The following LRP5 variants were observed in gnomAD, a reference collection of about 807,000 sequenced individuals.
The protein encoded by LRP5 is low-density lipoprotein receptor-related protein 5.
In LRP5, 62 loss-of-function variants were observed where a neutral mutation model predicts 154.1. The observed-to-expected ratio is 0.40, with a 90% CI of 0.33 to 0.50. The LOEUF (loss-of-function observed/expected upper bound fraction) is 0.50, where lower values mean the gene tolerates loss of function less well. LRP5 is among the 20% of genes least tolerant of loss of function. The probability of loss-of-function intolerance (pLI) is 0.55; values close to 1 mark genes in which losing one functional copy is unlikely to be tolerated. For synonymous variants in LRP5, 966 were observed against 1,011.5 expected (o/e 0.96, Z 0.85); for missense variants, 1,915 against 2,336.7 (o/e 0.82, Z 3.72).
chr11:68,302,860 G>A, the LRP5 span, among the ~76,000 whole-genome samples: 1 of 152,200 alleles, frequency 6.6e-6, no homozygotes, highest in Non-Finnish European at 1.5e-5. Flanking sequence ...GTGTTCCCGG[G>A]GACCAGATGC....
chr11:68,350,579 C>T (rs2098617491), intron 2 of LRP5, among the ~76,000 whole-genome samples: 1 of 152,246 alleles, frequency 6.6e-6, no homozygotes, highest in African/African-American at 2.4e-5. Flanking sequence ...ATGGTGCCGG[C>T]TGCAGGAGCC....
intron 19 of LRP5, 30 bp downstream of exon 19, chr11:68,437,029 C>A: frequency 6.3e-7 from 1 of 1,585,202 alleles, no homozygotes. Flanking sequence ...GGGGAAGGGG[C>A]GTCCGGGCTG....
At chr11:68,402,137 A>G (rs2098652929) in intron 7 of LRP5, among the ~76,000 whole-genome samples, 1 of 152,212 alleles carries the variant, frequency 6.6e-6, no homozygotes, top group African/African-American at 2.4e-5. Context: ...GTAATCTGGT[A>G]GCAGGAGGCC....
intron 13 of LRP5, among the ~76,000 whole-genome samples, chr11:68,421,686 C>CTGTGTGTGTG (rs148066763): frequency 2.8e-3 from 378 of 133,392 alleles, no homozygotes; most frequent in Middle Eastern, 7.6e-3. Context: ...CCCAGCAAGG[C>CTGTGTGTGTG]TGTGTGTGTG....
chr11:68,410,590 C>A (rs892207642), intron 10 of LRP5, among the ~76,000 whole-genome samples: 4 of 152,130 alleles, frequency 2.6e-5, no homozygotes, highest in African/African-American at 7.2e-5. Flanking sequence ...ACTTTGAGGT[C>A]CCCGGACCTC....
intron 1 of LRP5, among the ~76,000 whole-genome samples, chr11:68,325,029 C>T (rs1376919098): frequency 6.6e-6 from 1 of 152,154 alleles, no homozygotes; most frequent in Non-Finnish European, 1.5e-5. Context: ...CCTGCACAGC[C>T]CGGTTCTGAC....
intron 5 of LRP5, among the ~76,000 whole-genome samples, chr11:68,381,527 C>A (rs540105073): frequency 6.6e-6 from 1 of 152,044 alleles, no homozygotes; most frequent in Non-Finnish European, 1.5e-5. Context: ...CTTGGCCTCG[C>A]GGAAGGGATG....
intron 16 of LRP5, among the ~76,000 whole-genome samples, chr11:68,429,109 C>T (rs1019033530): frequency 2.0e-5 from 3 of 146,704 alleles, no homozygotes; most frequent in Non-Finnish European, 3.0e-5. Flanking sequence ...AAAAAAAAGC[C>T]AGGCATGGTG....
At chr11:68,358,317 G>A (rs1322247748) in intron 3 of LRP5, among the ~76,000 whole-genome samples, 1 of 152,100 alleles carries the variant, frequency 6.6e-6, no homozygotes, top group Non-Finnish European at 1.5e-5. Flanking sequence ...GGTCTCACAT[G>A]TTGCTCAGGC....
In LRP5 at chr11:68,312,808, A is replaced by T; in HGVS notation, c.91+3A>T. The T allele has an allele frequency of 9.5e-7, 1 of 1,053,110 alleles. No homozygotes were observed. The highest frequency in any genetic ancestry group is 1.1e-6 in the Non-Finnish European group (1 of 873,334). The allele number at this position is 1,053,110 out of a possible 1,614,324, so 65.2% of individuals were successfully genotyped here. A position where few individuals can be genotyped will look rare whatever the true frequency, so the allele number is the denominator to read the frequency against. On this transcript the variant is annotated splice_donor_region_variant and intron_variant, in intron 1 of 22. Coordinates refer to ENST00000294304, the MANE Select transcript of LRP5 (RefSeq NM_002335.4). The stretch of plus-strand genomic sequence containing the variant: ...CGGCTGCCCGGCCCCCGCCGCGGGT[A>T]GGTGGGCGCAGGCCGGCCGGGGGCC...
intron 1 of LRP5, among the ~76,000 whole-genome samples, chr11:68,316,598 A>G (rs1277812650): frequency 6.6e-6 from 1 of 152,148 alleles, no homozygotes; most frequent in Admixed American, 6.5e-5. Context: ...GTGGCTGAAT[A>G]ATATTCCATT....
chr11:68,360,786 A>G (rs891682957), intron 3 of LRP5, among the ~76,000 whole-genome samples: 1 of 152,014 alleles, frequency 6.6e-6, no homozygotes, highest in Non-Finnish European at 1.5e-5. Context: ...TTACGAGGTC[A>G]GGAGATCGAG....
intron 1 of LRP5, among the ~76,000 whole-genome samples, chr11:68,342,958 C>T (rs1397819439): frequency 6.6e-6 from 1 of 152,200 alleles, no homozygotes; most frequent in Non-Finnish European, 1.5e-5. Flanking sequence ...GCTGGGACCT[C>T]CAGCTGTAAT....
At chr11:68,367,978 T>C (rs2098631995) in intron 5 of LRP5, among the ~76,000 whole-genome samples, 2 of 151,512 alleles carry the variant, frequency 1.3e-5, no homozygotes, top group African/African-American at 2.4e-5. Flanking sequence ...GGCAGGAGAA[T>C]TGCTTGAGCC....
chr11:68,406,741 C>T lies in LRP5; in HGVS notation c.2019C>T (p.Gly673=), dbSNP rs779811816. The change falls in exon 9 of 23, where the codon GGC becomes GGT. Residue 673 remains glycine, a synonymous_variant. Coordinates refer to ENST00000294304, the MANE Select transcript of LRP5 (RefSeq NM_002335.4). ...ACGACGTGGCCATCCCGCTCACGGG[C>T]GTCAAGGAGGCCTCAGCCCTGGACT... ...NNNDVAIPLT[G]VKEASALDFD... is the part of the protein sequence containing the mutation. The T allele has an allele frequency of 2.0e-5, 33 of 1,613,982 alleles. No individual in the cohort carries two copies. The highest frequency in any genetic ancestry group is 2.7e-5 in the African/African-American group (2 of 74,926).
chr11:68,351,760 C>T (rs1442608476), intron 2 of LRP5, among the ~76,000 whole-genome samples: 4 of 152,100 alleles, frequency 2.6e-5, no homozygotes, highest in Admixed American at 6.6e-5. Context: ...TTGAAAGGGA[C>T]GTGTGCGTAG....
At position 68,386,765 on chromosome 11, in the gene LRP5, G is replaced by T. The variant is rs1352193639; in HGVS notation, c.1412+53G>T. Reference sequence around the variant, plus strand: ...AGCCAGGGCCAGGCCAAGCACAGGCGAGAGGGAGATTGACCTGGACCTGTC... The same window carrying T: ...AGCCAGGGCCAGGCCAAGCACAGGCTAGAGGGAGATTGACCTGGACCTGTC... On this transcript the variant is annotated intron_variant, in intron 6 of 22. Transcript: ENST00000294304. This position sits in a 1 kb window ranked among gnomAD's most constrained non-coding sequence, Gnocchi z 7.9. 4.4e-5 allele frequency: 69 copies of T among 1,575,110 alleles called. No homozygotes were observed. Among genetic ancestry groups the T allele is most frequent in the African/African-American group, 6.7e-5 (5 of 74,178 alleles).
chr11:68,367,057 A>G lies in LRP5; in HGVS notation c.1015+1355A>G, dbSNP rs1266837687. 2.0e-5 allele frequency among the ~76,000 whole-genome samples: 3 copies of G among 152,228 alleles called. No individual in the cohort carries two copies. In the East Asian group the frequency reaches 5.8e-4, roughly 29 times the overall value. On this transcript the variant is annotated intron_variant, in intron 5 of 22. Transcript: ENST00000294304. ...CCACGAGGGAGTCAGTGCATTAGAA[A>G]GGGTGAGTGTCTTGGACACCCGCTC...
chr11:68,416,832 T>TC (rs2098662811), intron 13 of LRP5, among the ~76,000 whole-genome samples: 1 of 152,240 alleles, frequency 6.6e-6, no homozygotes, highest in Non-Finnish European at 1.5e-5. Flanking sequence ...GGGTAGTTGG[T>TC]ACTGGTTAAT....
Sources: allele counts gnomAD v4.1 joint callset (sites outside exome capture counted in the v4.1 genomes callset), GRCh38; gene constraint gnomAD v4.1.1; non-coding constraint Gnocchi (gnomAD v3.1); transcripts MANE v1.5; gene names NCBI Gene and HGNC (gene_info 2026-07-23, HGNC 2026-07-21).